Variants in CASP8 observed in about 807,000 individuals in gnomAD.
CASP8 encodes caspase-8.
CASP8 carries 24 observed loss-of-function variants against 46.3 expected under a neutral mutation model. That is an observed-to-expected ratio of 0.52 (90% CI 0.38 to 0.73). CASP8 has a LOEUF of 0.73. CASP8 is among the 30% of genes least tolerant of loss of function. CASP8 has a pLI of 0.00. For missense variants in CASP8, 460 were observed against 559.0 expected, an observed-to-expected ratio of 0.82 and a Z score of 1.79; for synonymous variants, 188 against 200.4, an observed-to-expected ratio of 0.94 and a Z score of 0.52.
intron 1 of CASP8, chr2:201,262,281 G>T (rs892855731): frequency 1.3e-5 from 2 of 151,884 alleles, no homozygotes; most frequent in African/African-American, 4.8e-5. Flanking sequence ...TTCTTCAGAG[G>T]CTTTTAGTGA....
intron 2 of CASP8, among the ~76,000 whole-genome samples, chr2:201,247,708 G>A (rs962681539): frequency 9.9e-5 from 15 of 151,798 alleles, no homozygotes; most frequent in Non-Finnish European, 1.3e-4. Context: ...GCAGTGGTGC[G>A]ATCTCGGCTC....
At chr2:201,258,741 G>A (rs114533660), upstream of CASP8, among the ~76,000 whole-genome samples, 4,168 of 107,338 alleles carry the variant, frequency 0.039, 143 homozygotes, top group African/African-American at 0.12. Flanking sequence ...CCCTGGGGCC[G>A]ACGGTTAAGT....
Position 201,243,359 on chromosome 2 carries a change from CAA to C in CASP8, c.-27+9248_-27+9249del, listed in dbSNP as rs538121513. Among the ~76,000 whole-genome samples the C allele has an allele frequency of 2.9e-3, 448 of 152,290 alleles. 3 individuals carry two copies. The highest frequency in any genetic ancestry group is 0.01 in the African/African-American group (418 of 41,558). On this transcript the variant is annotated intron_variant, in intron 2 of 6. Transcript: ENST00000264274. ...AAGCAATGAATAGTCAATTTACACACAAGACAATTTCTGTTATTGAGGCAGCT... is the reference window on the plus strand; with the variant it reads ...AAGCAATGAATAGTCAATTTACACACGACAATTTCTGTTATTGAGGCAGCT...
chr2:201,260,140 C>G (rs1210480442), upstream of CASP8, among the ~76,000 whole-genome samples: 1 of 152,032 alleles, frequency 6.6e-6, no homozygotes, highest in Non-Finnish European at 1.5e-5. Context: ...TGTCCAATCT[C>G]AAGACCTCTC....
At chr2:201,246,227 C>A (rs1946513573) in intron 2 of CASP8, among the ~76,000 whole-genome samples, 1 of 152,168 alleles carries the variant, frequency 6.6e-6, no homozygotes. Context: ...CGTTTTCAGT[C>A]TGGCATGTGT....
rs1403436980 is a variant in CASP8, at chr2:201,286,666, A to T, written c.*72A>T. ...AATCTCGCTCTGTCGCCCAGGCTGG[A>T]GTGCAGTGGCGTGATCTCGGCTCAC... On this transcript the variant is annotated 3_prime_UTR_variant, in exon 9 of 9. Coordinates refer to ENST00000673742, the MANE Select transcript of CASP8 (RefSeq NM_001372051.1). The T allele has an allele frequency of 2.9e-6, 4 of 1,358,098 alleles. No homozygotes were observed. In the East Asian group the frequency reaches 7.5e-5, roughly 26 times the overall value. 84.1% of individuals were successfully genotyped at this position (1,358,098 alleles called of 1,614,324 possible).
At chr2:201,261,445 A>G (rs998481163) in intron 1 of CASP8, among the ~76,000 whole-genome samples, 6 of 152,146 alleles carry the variant, frequency 3.9e-5, no homozygotes, top group Non-Finnish European at 8.8e-5. Context: ...AAAAAACAAT[A>G]TAATGGGAAG....
In CASP8 at chr2:201,276,891, A is replaced by T. The variant is rs2125320014; in HGVS notation, c.725A>T (p.His242Leu). The T allele has an allele frequency of 6.2e-7, 1 of 1,614,136 alleles. No homozygotes were observed. Among genetic ancestry groups the T allele is most frequent in the Non-Finnish European group, 8.5e-7 (1 of 1,179,970 alleles). ...GGATACTGTCTGATCATCAACAATCACAATTTTGCAAAAGCACGGGAGAAA... is the reference window on the plus strand; with the variant it reads ...GGATACTGTCTGATCATCAACAATCTCAATTTTGCAAAAGCACGGGAGAAA... Reference protein sequence around the residue: ...PRGYCLIINNHNFAKAREKVP... With the variant: ...PRGYCLIINNLNFAKAREKVP... Residue 242 changes from histidine (H) to leucine (L), a missense_variant, in exon 7 of 9, where the codon CAC becomes CTC. Transcript: ENST00000673742.
chr2:201,260,500 G>A, upstream of CASP8: 1 of 983,312 alleles, frequency 1.0e-6, no homozygotes, highest in Non-Finnish European at 1.2e-6. Flanking sequence ...GAAACAGGAA[G>A]TAGAGCTGGC....
rs1948672324 is a variant in CASP8, at chr2:201,276,952, A to C, written c.786A>C (p.Gly262=). The change falls in exon 7 of 9, where the codon GGA becomes GGC. Residue 262 remains glycine, a synonymous_variant. Transcript: ENST00000673742. ...TTCACAGCATTAGGGACAGGAATGG[A>C]ACACACTTGGATGCAGGTACAGTAG... ...PKLHSIRDRN[G]THLDAGALTT... is the part of the protein sequence containing the mutation. The C allele has an allele frequency of 1.9e-6, 3 of 1,613,402 alleles. No homozygotes were observed. Among genetic ancestry groups the C allele is most frequent in the Admixed American group, 1.7e-5 (1 of 60,012 alleles).
At chr2:201,254,603 T>C (rs191761424) in intron 2 of CASP8, among the ~76,000 whole-genome samples, 3 of 152,328 alleles carry the variant, frequency 2.0e-5, no homozygotes, top group Admixed American at 6.5e-5. Flanking sequence ...GATTTTGCTT[T>C]CACTGTGAGT....
intron 2 of CASP8, among the ~76,000 whole-genome samples, 182 bp from the exon 3 acceptor site, chr2:201,271,334 G>A (rs1266312115): frequency 6.6e-6 from 1 of 152,184 alleles, no homozygotes; most frequent in Non-Finnish European, 1.5e-5. Flanking sequence ...AGTCGGGGAG[G>A]AGCCAGTAGA....
intron 1 of CASP8, among the ~76,000 whole-genome samples, chr2:201,265,436 G>C (rs926470251): frequency 6.6e-6 from 1 of 151,976 alleles, no homozygotes; most frequent in African/African-American, 2.4e-5. Context: ...TGGGAGCTAA[G>C]CTATGAGGAT....
intron 7 of CASP8, among the ~76,000 whole-genome samples, chr2:201,283,555 T>C (rs1246042113): frequency 0.077 from 2,898 of 37,550 alleles, no homozygotes; most frequent in Non-Finnish European, 0.087. Flanking sequence ...ACGGGGCGGC[T>C]GGCCGGGCGG....
rs528829877 is a variant in CASP8 at position 201,237,652 on chromosome 2, G to GTT, written c.-27+3546_-27+3547dup. Among the ~76,000 whole-genome samples the GTT allele has an allele frequency of 3.7e-4, 56 of 152,162 alleles. No homozygotes were observed. The South Asian group carries it at 0.011, about 31-fold the overall frequency. On this transcript the variant is annotated intron_variant, in intron 2 of 6. Transcript: ENST00000264274. ...GGTGACTGATTTTGATATCCAGACAGTTTTTTTCCCACTTGCACACACTCC... is the reference window on the plus strand; with the variant it reads ...GGTGACTGATTTTGATATCCAGACAGTTTTTTTTTCCCACTTGCACACACTCC...
chr2:201,241,366 GA>G (rs1331643248), intron 2 of CASP8: 1 of 152,082 alleles, frequency 6.6e-6, no homozygotes, highest in East Asian at 1.9e-4. Flanking sequence ...AGAAATAAAA[GA>G]GGAGACATTA....
At chr2:201,280,543 C>T (rs1157594306) in intron 7 of CASP8, among the ~76,000 whole-genome samples, 1 of 145,512 alleles carries the variant, frequency 6.9e-6, no homozygotes, top group Non-Finnish European at 1.5e-5. Context: ...GAAAGGCCTT[C>T]AGAATTCTGA....
chr2:201,287,009 T>C lies in CASP8; in HGVS notation c.*415T>C. 4.4e-6 allele frequency: 1 copy of C among 226,858 alleles called. No individual in the cohort carries two copies. Among genetic ancestry groups the C allele is most frequent in the South Asian group, 6.0e-5 (1 of 16,794 alleles). The allele number at this position is 226,858 out of a possible 1,614,324, so 14.1% of individuals were successfully genotyped here. A position where few individuals can be genotyped will look rare whatever the true frequency, so the allele number is the denominator to read the frequency against. On this transcript the variant is annotated 3_prime_UTR_variant, in exon 9 of 9. Coordinates refer to ENST00000673742, the MANE Select transcript of CASP8 (RefSeq NM_001372051.1). ...TTGTTTTGCACTTTTTTATAAGAGC[T>C]AAAGTTAAATAGGATATTAACAACA...
rs746813867 is a variant in CASP8 at position 201,276,972 on chromosome 2, C to G, written c.802+4C>G. On this transcript the variant is annotated splice_donor_region_variant and intron_variant, in intron 7 of 8. Coordinates refer to ENST00000673742, the MANE Select transcript of CASP8 (RefSeq NM_001372051.1). ...AATGGAACACACTTGGATGCAGGTA[C>G]AGTAGAACCCAAAAGAGAAAAGTAA... The G allele has an allele frequency of 6.2e-7, 1 of 1,603,372 alleles. No individual in the cohort carries two copies. The highest frequency in any genetic ancestry group is 8.5e-7 in the Non-Finnish European group (1 of 1,170,330).
Sources: gnomAD v4.1 joint callset for allele counts (sites outside exome capture counted in the v4.1 genomes callset) on GRCh38, gnomAD v4.1.1 for gene constraint, MANE v1.5 for transcripts, NCBI Gene and HGNC (gene_info 2026-07-23, HGNC 2026-07-21) for gene names.